Variants in PCDHA2 observed in about 807,000 individuals in gnomAD.
The protein encoded by PCDHA2 is protocadherin alpha-2.
In PCDHA2, 58 loss-of-function variants were observed where a neutral mutation model predicts 66.0. The ratio of observed to expected loss-of-function variants is 0.88; its 90% CI spans 0.71 to 1.09. The LOEUF (loss-of-function observed/expected upper bound fraction) is 1.09. PCDHA2 is among the 50% of genes least tolerant of loss of function. The probability of loss-of-function intolerance (pLI) is 0.00; values close to 1 mark genes in which losing one functional copy is unlikely to be tolerated. For synonymous variants in PCDHA2, 634 were observed against 554.0 expected (o/e 1.14, Z -2.03); for missense variants, 1,267 against 1,242.3 (o/e 1.02, Z -0.30).
At chr5:140,862,916 G>T (rs1581662111) in intron 1 of PCDHA2, 1 of 547,888 alleles carries the variant, frequency 1.8e-6, no homozygotes, top group Non-Finnish European at 3.5e-6. Context: ...CTGGCGCCTT[G>T]GGTGGGCTGG....
chr5:140,840,060 C>A (rs2150302976), intron 1 of PCDHA2, among the ~76,000 whole-genome samples: 9 of 151,898 alleles, frequency 5.9e-5, no homozygotes, highest in Non-Finnish European at 1.3e-4. Flanking sequence ...AATGTCTTGA[C>A]AATTAGTCAA....
In PCDHA2 at chr5:140,870,004, G is replaced by T. The variant is rs374513388; in HGVS notation, c.2388+72652G>T. 129 of 1,613,494 alleles carry T rather than the reference G, an allele frequency of 8.0e-5. No homozygotes were observed. Among genetic ancestry groups the T allele is most frequent in the Non-Finnish European group, 1.1e-4 (126 of 1,179,842 alleles). The stretch of plus-strand genomic sequence containing the variant: ...TACACTAGATCAAAATAATGGAGAA[G>T]TGAGGGTCAATGGAACTTTAGATTA... On this transcript the variant is annotated intron_variant, in intron 1 of 3. Coordinates refer to ENST00000526136, the MANE Select transcript of PCDHA2 (RefSeq NM_018905.3).
In PCDHA2 at chr5:140,966,999, G is replaced by A. The variant is rs782081862; in HGVS notation, c.2389-11950G>A. 115 of 1,604,458 alleles carry A rather than the reference G, an allele frequency of 7.2e-5. No homozygotes were observed. The highest frequency in any genetic ancestry group is 8.8e-5 in the Non-Finnish European group (104 of 1,177,324). ...CGGCGCTTGGGGCCGGGTTGCTTGC[G>A]CATCAACCATCTGGGTGCGCCCAGT... On this transcript the variant is annotated intron_variant, in intron 1 of 3. Transcript: ENST00000526136.
intron 1 of PCDHA2, among the ~76,000 whole-genome samples, chr5:140,900,367 T>C (rs1554189080): frequency 6.6e-6 from 1 of 152,152 alleles, no homozygotes; most frequent in Non-Finnish European, 1.5e-5. Context: ...AACCTCTGCC[T>C]CCTGGGTTCA....
At chr5:140,979,083 C>T (rs563728648) in intron 2 of PCDHA2, 76 bp downstream of exon 2, 207 of 1,562,578 alleles carry the variant, frequency 1.3e-4, no homozygotes, top group Admixed American at 6.5e-4. Context: ...TCTCCATAGG[C>T]CAGAAGCAGC....
chr5:141,012,057 A>G lies in PCDHA2; in HGVS notation c.*2120A>G, dbSNP rs2098422809. 6.5e-6 allele frequency: 1 copy of G among 153,774 alleles called. No individual in the cohort carries two copies. Among genetic ancestry groups the G allele is most frequent in the African/African-American group, 2.4e-5 (1 of 41,454 alleles). The allele number at this position is 153,774 out of a possible 1,614,324, so 9.5% of individuals were successfully genotyped here. A position where few individuals can be genotyped will look rare whatever the true frequency, so the allele number is the denominator to read the frequency against. Reference sequence around the variant, plus strand: ...ATTGCATGGGGTAAAACTTGTTACCAACACATGTGAACCATTGCTACATTG... The same window carrying G: ...ATTGCATGGGGTAAAACTTGTTACCGACACATGTGAACCATTGCTACATTG... On this transcript the variant is annotated 3_prime_UTR_variant, in exon 4 of 4. Transcript: ENST00000526136.
At chr5:140,902,403 T>G (rs1554190429) in intron 1 of PCDHA2, among the ~76,000 whole-genome samples, 1 of 152,102 alleles carries the variant, frequency 6.6e-6, no homozygotes, top group African/African-American at 2.4e-5. Flanking sequence ...TTGAATACTA[T>G]GTTGAATAAC....
chr5:140,803,384 A>C (rs782777686), intron 1 of PCDHA2: 1 of 1,614,208 alleles, frequency 6.2e-7, no homozygotes, highest in Non-Finnish European at 8.5e-7. Context: ...CGCCAACCGA[A>C]GGCGACTGTG....
intron 1 of PCDHA2, among the ~76,000 whole-genome samples, chr5:140,885,103 C>G (rs1336980793): frequency 6.6e-6 from 1 of 152,018 alleles, no homozygotes; most frequent in Non-Finnish European, 1.5e-5. Context: ...CACATAAATG[C>G]TTTTTTTAAG....
At chr5:140,888,700 T>C (rs534278841) in intron 1 of PCDHA2, among the ~76,000 whole-genome samples, 2 of 152,274 alleles carry the variant, frequency 1.3e-5, no homozygotes, top group Non-Finnish European at 2.9e-5. Flanking sequence ...CTCTGATTGG[T>C]AGGAATGTGA....
intron 1 of PCDHA2, among the ~76,000 whole-genome samples, chr5:140,833,844 TAAC>T (rs1772686732): frequency 6.6e-6 from 1 of 152,198 alleles, no homozygotes; most frequent in African/African-American, 2.4e-5. Flanking sequence ...GGATTTTTCT[TAAC>T]AAGCGATACT....
At chr5:140,999,845 T>G (rs1293721817) in intron 3 of PCDHA2, among the ~76,000 whole-genome samples, 1 of 152,188 alleles carries the variant, frequency 6.6e-6, no homozygotes, top group Non-Finnish European at 1.5e-5. Flanking sequence ...CAAGTGTATT[T>G]ATCTCTTCCG....
intron 1 of PCDHA2, chr5:140,967,981 G>A (rs1192553799): frequency 4.3e-6 from 7 of 1,614,084 alleles, no homozygotes; most frequent in African/African-American, 1.3e-5. Flanking sequence ...TGGGTCTGGA[G>A]GCCACACTGC....
intron 1 of PCDHA2, chr5:140,856,575 A>G (rs2150361259): frequency 6.3e-7 from 1 of 1,597,272 alleles, no homozygotes; most frequent in African/African-American, 1.3e-5. Flanking sequence ...CCAAATGAGT[A>G]TTTTGTTCTT....
At chr5:140,840,106 C>T (rs1776564749) in intron 1 of PCDHA2, among the ~76,000 whole-genome samples, 1 of 151,740 alleles carries the variant, frequency 6.6e-6, no homozygotes, top group South Asian at 2.1e-4. Context: ...TTAGTGAAAT[C>T]GAGTGAAAGC....
In PCDHA2 at chr5:140,835,453, TC is replaced by T. The variant is rs1554134997; in HGVS notation, c.2388+38104del. 1.9e-6 allele frequency: 3 copies of T among 1,613,816 alleles called. No homozygotes were observed. The Admixed American group carries it at 5.0e-5, about 27-fold the overall frequency. ...CAGTTGACTCTCACTTCCCTGTCTC[TC>T]CCTATTCCAGAGGACGCCCAACCAG... On this transcript the variant is annotated intron_variant, in intron 1 of 3. Transcript: ENST00000526136.
chr5:140,996,311 G>C lies in PCDHA2; in HGVS notation c.2537-13316G>C, dbSNP rs191577867. On this transcript the variant is annotated intron_variant, in intron 3 of 3. Coordinates refer to ENST00000526136, the MANE Select transcript of PCDHA2 (RefSeq NM_018905.3). ...GAAGCACAGATTGTAACAAAGTAAG[G>C]GGGGAGGGTAGAGAAGAAAAGTTTG... is the stretch of plus-strand genomic sequence containing the variant. 9.0e-4 allele frequency among the ~76,000 whole-genome samples: 137 copies of C among 152,302 alleles called. 1 individual carries two copies. The highest frequency in any genetic ancestry group is 2.8e-3 in the African/African-American group (118 of 41,574).
At chr5:140,895,038 C>G (rs1554186328) in intron 1 of PCDHA2, among the ~76,000 whole-genome samples, 1 of 152,104 alleles carries the variant, frequency 6.6e-6, no homozygotes, top group African/African-American at 2.4e-5. Context: ...TGTCCCCCAC[C>G]CACACCATTC....
At chr5:140,845,150 G>A (rs1193499376) in intron 1 of PCDHA2, among the ~76,000 whole-genome samples, 2 of 149,470 alleles carry the variant, frequency 1.3e-5, no homozygotes, top group African/African-American at 4.9e-5. Context: ...AACACATTGT[G>A]TAAAAGCGAA....
Sources: gnomAD v4.1 joint callset for allele counts (sites outside exome capture counted in the v4.1 genomes callset) on GRCh38, gnomAD v4.1.1 for gene constraint, MANE v1.5 for transcripts, NCBI Gene and HGNC (gene_info 2026-07-23, HGNC 2026-07-21) for gene names.